Variants in OPCML observed in about 807,000 individuals in gnomAD.
The protein encoded by OPCML is opioid binding protein/cell adhesion molecule like, also known as opioid-binding protein/cell adhesion molecule.
In OPCML, 13 loss-of-function variants were observed where a neutral mutation model predicts 37.8. The observed-to-expected ratio is 0.34, with a 90% CI of 0.22 to 0.55. The LOEUF is 0.55. Among genes scored for constraint, OPCML ranks in the 20% least tolerant of loss-of-function variants. The probability of loss-of-function intolerance (pLI) is 0.91; values close to 1 mark genes in which losing one functional copy is unlikely to be tolerated. For synonymous variants in OPCML, 176 were observed against 168.8 expected, an observed-to-expected ratio of 1.04 and a Z score of -0.33; for missense variants, 341 against 435.6, an observed-to-expected ratio of 0.78 and a Z score of 1.93.
At chr11:132,919,587 T>A (rs916878831) in intron 2 of OPCML, among the ~76,000 whole-genome samples, 2 of 152,162 alleles carry the variant, frequency 1.3e-5, no homozygotes, top group East Asian at 3.9e-4. Flanking sequence ...CTCTCTGGTG[T>A]CAGGGCTGAT....
At chr11:133,314,095 C>T (rs7930153) in intron 1 of OPCML, among the ~76,000 whole-genome samples, 76,658 of 149,584 alleles carry the variant, frequency 0.51, 20,731 homozygotes, top group East Asian at 0.84. Context: ...ATTAGCCGGG[C>T]GTAGTGGCGG....
intron 1 of OPCML, among the ~76,000 whole-genome samples, chr11:133,345,605 C>T (rs118060009): frequency 5.9e-5 from 9 of 152,344 alleles, no homozygotes; most frequent in African/African-American, 9.6e-5. Flanking sequence ...TTGCTTGTGC[C>T]ATTTTCCTAC....
At chr11:132,812,936 G>A (rs1273264252) in intron 2 of OPCML, among the ~76,000 whole-genome samples, 3 of 152,118 alleles carry the variant, frequency 2.0e-5, no homozygotes, top group Admixed American at 6.5e-5. Flanking sequence ...TCTATACAGA[G>A]GTCCTATAAC....
chr11:132,458,929 TTGTG>T (rs2096091588), intron 4 of OPCML, among the ~76,000 whole-genome samples: 1 of 152,138 alleles, frequency 6.6e-6, no homozygotes, highest in Non-Finnish European at 1.5e-5. Context: ...TTTCAGACAA[TTGTG>T]TGTATTATTC....
intron 3 of OPCML, among the ~76,000 whole-genome samples, chr11:132,533,016 G>A (rs7125438): frequency 0.1 from 15,532 of 152,096 alleles, 1,850 homozygotes; most frequent in African/African-American, 0.29. Context: ...TGTAGCAAAT[G>A]AATCTATACA....
At chr11:133,213,482 A>G (rs577412615) in intron 1 of OPCML, among the ~76,000 whole-genome samples, 1 of 152,200 alleles carries the variant, frequency 6.6e-6, no homozygotes, top group South Asian at 2.1e-4. Flanking sequence ...TCCTCAGACA[A>G]AAACACTAAT....
At chr11:133,320,989 G>A (rs1943316373) in intron 1 of OPCML, among the ~76,000 whole-genome samples, 1 of 152,068 alleles carries the variant, frequency 6.6e-6, no homozygotes, top group Admixed American at 6.6e-5. Flanking sequence ...TCAATAAACA[G>A]GAGACAGCTG....
chr11:133,377,827 C>T (rs1055660055), intron 1 of OPCML, among the ~76,000 whole-genome samples: 1 of 152,056 alleles, frequency 6.6e-6, no homozygotes, highest in East Asian at 1.9e-4. Flanking sequence ...CCACTGAGCC[C>T]AGATGAATAG....
Position 133,126,070 on chromosome 11 carries a change from TACACACAC to T in OPCML, c.62-183068_62-183061del, listed in dbSNP as rs3049587. Among the ~76,000 whole-genome samples, 109 of 148,440 alleles carry T rather than the reference TACACACAC, an allele frequency of 7.3e-4. 1 individual carries two copies. Among genetic ancestry groups the T allele is most frequent in the Non-Finnish European group, 1.3e-3 (86 of 67,216 alleles). On this transcript the variant is annotated intron_variant, in intron 1 of 7. Transcript: ENST00000524381. ...TATACACATGTATATATATGTACCA[TACACACAC>T]ACACACACACACACACATATATGAG...
At chr11:132,856,782 A>G (rs1942073949) in intron 2 of OPCML, among the ~76,000 whole-genome samples, 1 of 152,092 alleles carries the variant, frequency 6.6e-6, no homozygotes, top group Non-Finnish European at 1.5e-5. Context: ...GCAGACACCC[A>G]CCCCAAGGGA....
At chr11:132,986,870 T>C (rs1015749519) in intron 1 of OPCML, among the ~76,000 whole-genome samples, 2 of 152,190 alleles carry the variant, frequency 1.3e-5, no homozygotes, top group Non-Finnish European at 2.9e-5. Context: ...CTACAGAAGA[T>C]GTAGAATGAA....
chr11:132,865,895 C>T (rs970486723), intron 2 of OPCML, among the ~76,000 whole-genome samples: 4 of 152,118 alleles, frequency 2.6e-5, no homozygotes, highest in Admixed American at 6.5e-5. Context: ...ATGTTTCTAC[C>T]ACTTCCTGAG....
intron 4 of OPCML, among the ~76,000 whole-genome samples, chr11:132,453,141 A>C (rs2096072870): frequency 6.6e-6 from 1 of 152,156 alleles, no homozygotes; most frequent in African/African-American, 2.4e-5. Context: ...GTTCCTGTAG[A>C]ACGTACATTT....
intron 4 of OPCML, among the ~76,000 whole-genome samples, chr11:132,488,742 G>A (rs2096207429): frequency 1.3e-5 from 2 of 152,010 alleles, no homozygotes. Context: ...TTAACTTTTT[G>A]ACTTAGAAAA....
chr11:132,465,001 C>G (rs1333237126), intron 4 of OPCML, among the ~76,000 whole-genome samples: 1 of 152,034 alleles, frequency 6.6e-6, no homozygotes, highest in Admixed American at 6.6e-5. Flanking sequence ...TTTTTATTTA[C>G]CTAAATGGCA....
At chr11:132,865,154 G>T (rs1942479515) in intron 2 of OPCML, among the ~76,000 whole-genome samples, 1 of 152,178 alleles carries the variant, frequency 6.6e-6, no homozygotes, top group African/African-American at 2.4e-5. Context: ...GAGGGGATAA[G>T]TAGAGGAATG....
chr11:132,429,376 A>T (rs1436040570), intron 7 of OPCML, among the ~76,000 whole-genome samples: 1 of 152,228 alleles, frequency 6.6e-6, no homozygotes, highest in Non-Finnish European at 1.5e-5. Context: ...ACAATTGTCC[A>T]TGTGAGACGT....
chr11:133,438,405 A>G (rs904783585), intron 1 of OPCML, among the ~76,000 whole-genome samples: 5 of 152,206 alleles, frequency 3.3e-5, no homozygotes, highest in African/African-American at 9.6e-5. Flanking sequence ...AAAAACAAAC[A>G]AACAAGCAAA....
intron 1 of OPCML, among the ~76,000 whole-genome samples, chr11:133,161,581 A>C (rs1950142291): frequency 6.6e-6 from 1 of 152,220 alleles, no homozygotes; most frequent in Admixed American, 6.5e-5. Flanking sequence ...GAGTTCTGTC[A>C]GCTGGCCGAT....
Sources: allele counts gnomAD v4.1 joint callset (sites outside exome capture counted in the v4.1 genomes callset), GRCh38; gene constraint gnomAD v4.1.1; transcripts MANE v1.5; gene names NCBI Gene and HGNC (gene_info 2026-07-23, HGNC 2026-07-21).